The following RORA variants were observed in gnomAD, a reference collection of about 807,000 sequenced individuals.
RORA encodes the protein RAR related orphan receptor A, also known as nuclear receptor ROR-alpha.
RORA carries 7 observed loss-of-function variants against 69.5 expected under a neutral mutation model. That is an observed-to-expected ratio of 0.10 (90% confidence interval 0.06 to 0.19). RORA has a LOEUF of 0.19. RORA is among the 10% of genes least tolerant of loss of function. The pLI is 1.00. For synonymous variants in RORA, 261 were observed against 240.8 expected (o/e 1.08, Z -0.78); for missense variants, 457 against 663.0 (o/e 0.69, Z 3.41).
intron 1 of RORA, among the ~76,000 whole-genome samples, chr15:60,728,753 G>A (rs1175358376): frequency 1.3e-5 from 2 of 152,070 alleles, no homozygotes; most frequent in Non-Finnish European, 2.9e-5. Flanking sequence ...ACACCTAAAG[G>A]TGAGCCAGGC....
At chr15:60,883,173 AG>A (rs1567224693) in intron 1 of RORA, among the ~76,000 whole-genome samples, 21 of 135,040 alleles carry the variant, frequency 1.6e-4, no homozygotes, top group East Asian at 4.1e-4. Context: ...AGAGAGAGAG[AG>A]AGAGAGAGAA....
At chr15:60,672,791 A>G (rs981204604) in intron 2 of RORA, among the ~76,000 whole-genome samples, 3 of 152,240 alleles carry the variant, frequency 2.0e-5, no homozygotes, top group African/African-American at 7.2e-5. Context: ...TGCTTCGAAT[A>G]TTCAGATTGC....
At chr15:60,830,975 C>G (rs1463491912) in intron 1 of RORA, among the ~76,000 whole-genome samples, 1 of 151,922 alleles carries the variant, frequency 6.6e-6, no homozygotes, top group Non-Finnish European at 1.5e-5. Flanking sequence ...GTGGATCCAT[C>G]AAAAAGAGAA....
chr15:60,854,421 C>T (rs183558502), intron 1 of RORA, among the ~76,000 whole-genome samples: 189 of 152,232 alleles, frequency 1.2e-3, no homozygotes, highest in African/African-American at 3.9e-3. Context: ...TCTGAGGTAA[C>T]GTTGTTTTTC....
At chr15:61,145,418 G>A (rs1472395384) in intron 1 of RORA, among the ~76,000 whole-genome samples, 1 of 152,188 alleles carries the variant, frequency 6.6e-6, no homozygotes, top group South Asian at 2.1e-4. Context: ...CTGAATGTGG[G>A]GGAGTCCAGG....
intron 1 of RORA, among the ~76,000 whole-genome samples, chr15:60,869,366 A>T (rs1044877911): frequency 5.3e-5 from 8 of 152,194 alleles, no homozygotes; most frequent in Non-Finnish European, 1.2e-4. Flanking sequence ...AGAGGTTGGG[A>T]CTATAGGTGT....
intron 2 of RORA, among the ~76,000 whole-genome samples, chr15:60,657,650 A>G (rs998828705): frequency 1.3e-5 from 2 of 152,200 alleles, no homozygotes; most frequent in Non-Finnish European, 2.9e-5. Flanking sequence ...CACCTGTCCA[A>G]TCGTTGACTC....
intron 1 of RORA, among the ~76,000 whole-genome samples, chr15:60,842,936 G>A (rs757645296): frequency 6.6e-6 from 1 of 152,116 alleles, no homozygotes. Context: ...GAAGAGCTGG[G>A]GCTGGCTGTA....
chr15:60,980,589 T>C (rs531155899), intron 1 of RORA, among the ~76,000 whole-genome samples: 7 of 152,256 alleles, frequency 4.6e-5, no homozygotes, highest in Admixed American at 3.3e-4. Context: ...CTATTTTATC[T>C]TGAGTGTCAG....
At chr15:60,886,275 T>A (rs774329738) in intron 1 of RORA, among the ~76,000 whole-genome samples, 1 of 151,906 alleles carries the variant, frequency 6.6e-6, no homozygotes, top group Non-Finnish European at 1.5e-5. Flanking sequence ...ATGGTAAAAA[T>A]AAGAAGAAGG....
At chr15:61,123,164 G>C (rs994954043) in intron 1 of RORA, among the ~76,000 whole-genome samples, 13 of 152,226 alleles carry the variant, frequency 8.5e-5, no homozygotes, top group African/African-American at 2.2e-4. Flanking sequence ...TGCTTTCCTG[G>C]GGTGTCACTC....
chr15:60,560,577 T>C (rs550909716), intron 2 of RORA, among the ~76,000 whole-genome samples: 1 of 152,084 alleles, frequency 6.6e-6, no homozygotes, highest in East Asian at 1.9e-4. Flanking sequence ...TGCCTGCCTG[T>C]AGTCTCGGCT....
At chr15:60,566,403 C>CG (rs2067715376) in intron 2 of RORA, among the ~76,000 whole-genome samples, 1 of 152,004 alleles carries the variant, frequency 6.6e-6, no homozygotes, top group Admixed American at 6.6e-5. Context: ...TGGTCATAGG[C>CG]AGGGAAGAGG....
At chr15:60,776,666 G>C (rs1283432397) in intron 1 of RORA, among the ~76,000 whole-genome samples, 1 of 152,186 alleles carries the variant, frequency 6.6e-6, no homozygotes, top group Non-Finnish European at 1.5e-5. Flanking sequence ...ACAAGGTATG[G>C]GGTCCCCAGG....
chr15:61,158,683 C>T (rs2079467315), intron 1 of RORA, among the ~76,000 whole-genome samples: 1 of 152,116 alleles, frequency 6.6e-6, no homozygotes, highest in African/African-American at 2.4e-5. Flanking sequence ...GTAATAGAGA[C>T]CCAAAGAGGC....
chr15:60,548,421 T>G (rs2067136548), intron 2 of RORA, among the ~76,000 whole-genome samples: 1 of 151,976 alleles, frequency 6.6e-6, no homozygotes. Context: ...CTAGTACTTT[T>G]CCAAAAGAGA....
rs1401796255 is a variant in RORA at position 60,774,895 on chromosome 15, G to T, written c.167-96209C>A. On this transcript the variant is annotated intron_variant, in intron 1 of 10. Transcript: ENST00000335670. ...AACCATTGGCTTTAACTGGAAACTT[G>T]AAAATTTAGGGTAATTATAGTATCA... is the stretch of plus-strand genomic sequence containing the variant. Among the ~76,000 whole-genome samples, 3 of 152,272 alleles carry T rather than the reference G, an allele frequency of 2.0e-5. No individual in the cohort carries two copies. In the East Asian group the frequency reaches 5.8e-4, roughly 29 times the overall value.
chr15:60,503,441 CTG>C, intron 7 of RORA, 92 bp downstream of exon 7: 6 of 1,286,490 alleles, frequency 4.7e-6, no homozygotes. Context: ...TGGAGAAAAA[CTG>C]TTCCCGACAC....
chr15:60,860,474 C>A (rs1221528389), intron 1 of RORA, among the ~76,000 whole-genome samples: 1 of 152,180 alleles, frequency 6.6e-6, no homozygotes, highest in Non-Finnish European at 1.5e-5. Context: ...CAACGTTTAG[C>A]ATAAGCAAGC....
Sources: allele counts gnomAD v4.1 joint callset (sites outside exome capture counted in the v4.1 genomes callset), GRCh38; gene constraint gnomAD v4.1.1; transcripts MANE v1.5; gene names NCBI Gene and HGNC (gene_info 2026-07-23, HGNC 2026-07-21).